The following TOPAZ1 variants were observed in gnomAD, a reference collection of about 807,000 sequenced individuals.
TOPAZ1 encodes testis and ovary specific TOPAZ 1.
In TOPAZ1, 66 loss-of-function variants were observed where a neutral mutation model predicts 172.2. That is an observed-to-expected ratio of 0.38 (90% CI 0.31 to 0.47). TOPAZ1 has a LOEUF of 0.47. Among genes scored for constraint, TOPAZ1 ranks in the 20% least tolerant of loss-of-function variants. The pLI is 0.99. For synonymous variants in TOPAZ1, 681 were observed against 683.9 expected, an observed-to-expected ratio of 1.00 and a Z score of 0.07; for missense variants, 1,822 against 1,972.4, an observed-to-expected ratio of 0.92 and a Z score of 1.44.
intron 9 of TOPAZ1, among the ~76,000 whole-genome samples, chr3:44,286,372 C>T (rs77359232): frequency 0.014 from 2,146 of 152,156 alleles, 49 homozygotes; most frequent in African/African-American, 0.049. Context: ...ACCGTTTTAT[C>T]AGTTGATCAG....
rs568668766 is a variant in TOPAZ1 at position 44,249,238 on chromosome 3, G to A, written c.2765+3967G>A. On this transcript the variant is annotated intron_variant, in intron 2 of 19. Transcript: ENST00000309765. ...ATTCAGGGGAATTACTATATAGTTG[G>A]GGGGAAGGGGGAGGAGTGGGGGACT... Among the ~76,000 whole-genome samples, 4 of 151,022 alleles carry A rather than the reference G, an allele frequency of 2.6e-5. No homozygotes were observed. The East Asian group carries it at 7.9e-4, about 30-fold the overall frequency.
intron 8 of TOPAZ1, among the ~76,000 whole-genome samples, chr3:44,280,532 G>A (rs575052770): frequency 6.6e-6 from 1 of 151,888 alleles, no homozygotes; most frequent in African/African-American, 2.4e-5. Flanking sequence ...ATTTTTAGTA[G>A]AGTTGAGATT....
At chr3:44,267,903 T>G (rs1229364270) in intron 6 of TOPAZ1, among the ~76,000 whole-genome samples, 1 of 152,218 alleles carries the variant, frequency 6.6e-6, no homozygotes, top group Non-Finnish European at 1.5e-5. Context: ...ATGATGGTCA[T>G]GTGTTTTATC....
At chr3:44,329,734 T>C (rs2125707743) in intron 19 of TOPAZ1, among the ~76,000 whole-genome samples, 1 of 152,304 alleles carries the variant, frequency 6.6e-6, no homozygotes, top group South Asian at 2.1e-4. Context: ...TAGATGGGCC[T>C]ACATGGATAC....
intron 4 of TOPAZ1, among the ~76,000 whole-genome samples, chr3:44,261,016 G>A (rs780873002): frequency 4.3e-4 from 65 of 152,016 alleles, no homozygotes; most frequent in Non-Finnish European, 6.8e-4. Flanking sequence ...TACACCAATA[G>A]CATACTGTCA....
At chr3:44,287,706 A>G (rs1559538020) in intron 10 of TOPAZ1, 41 bp from the exon 11 acceptor site, 2 of 1,155,998 alleles carry the variant, frequency 1.7e-6, no homozygotes, top group Middle Eastern at 2.4e-4. Flanking sequence ...GTGTACTAAA[A>G]GAAGATCTGA....
At chr3:44,267,332 C>T (rs1027016021) in intron 6 of TOPAZ1, among the ~76,000 whole-genome samples, 196 bp downstream of exon 6, 4 of 141,898 alleles carry the variant, frequency 2.8e-5, no homozygotes, top group Admixed American at 7.3e-5. Context: ...CTCACACTGT[C>T]GCCTAGGCTG....
chr3:44,308,287 C>A lies in TOPAZ1; in HGVS notation c.4141-1538C>A, dbSNP rs574029940. On this transcript the variant is annotated intron_variant, in intron 15 of 19. Transcript: ENST00000309765. ...TGCCATCCCTCCCCCCTCCCCCAAC[C>A]CCATGACAGGCCCCAGTGTGTGATG... 1.1e-3 allele frequency among the ~76,000 whole-genome samples: 154 copies of A among 146,448 alleles called. 1 individual carries two copies. Among genetic ancestry groups the A allele is most frequent in the African/African-American group, 3.3e-3 (132 of 39,964 alleles).
Position 44,321,021 on chromosome 3 carries a change from TGGAAG to T in TOPAZ1, c.4307-5_4307-1del. 2.0e-6 allele frequency: 3 copies of T among 1,531,376 alleles called. No homozygotes were observed. Among genetic ancestry groups the T allele is most frequent in the Admixed American group, 2.1e-5 (1 of 46,982 alleles). 94.9% of individuals were successfully genotyped at this position (1,531,376 alleles called of 1,614,324 possible). A position where few individuals can be genotyped will look rare whatever the true frequency, so the allele number is the denominator to read the frequency against. On this transcript the variant is annotated splice_acceptor_variant and splice_polypyrimidine_tract_variant and intron_variant, in intron 16 of 19. Coordinates refer to ENST00000309765, the MANE Select transcript of TOPAZ1 (RefSeq NM_001145030.2). LOFTEE classifies it high-confidence loss of function. ...TAAACTATTCATATTTTTTTCTTTT[TGGAAG>T]AGTCAGAGTGGATAATCAATACGCC... is the stretch of plus-strand genomic sequence containing the variant.
rs899271097 is a variant in TOPAZ1, at chr3:44,262,447, A to G, written c.2984A>G (p.Lys995Arg). 22 of 1,487,092 alleles carry G rather than the reference A, an allele frequency of 1.5e-5. No homozygotes were observed. Among genetic ancestry groups the G allele is most frequent in the Non-Finnish European group, 1.8e-5 (20 of 1,092,886 alleles). The allele number at this position is 1,487,092 out of a possible 1,614,324, so 92.1% of individuals were successfully genotyped here. A position where few individuals can be genotyped will look rare whatever the true frequency, so the allele number is the denominator to read the frequency against. ...KHRFTDKVIT[K>R]EEKENIYEVC... ...AGATTTACAGACAAAGTGATTACCA[A>G]AGAAGAAAAAGAAAATATTTATGAA... Residue 995 changes from lysine (K) to arginine (R), a missense_variant, in exon 5 of 20, where the codon AAA becomes AGA. Physicochemically the swap from Lys to Arg is conservative, Grantham distance 26. Coordinates refer to ENST00000309765, the MANE Select transcript of TOPAZ1 (RefSeq NM_001145030.2).
In TOPAZ1 at chr3:44,243,478, C is replaced by G. The variant is rs1274309068; in HGVS notation, c.972C>G (p.Ser324Arg). 4 of 1,551,492 alleles carry G rather than the reference C, an allele frequency of 2.6e-6. No homozygotes were observed. The highest frequency in any genetic ancestry group is 3.5e-6 in the Non-Finnish European group (4 of 1,146,956). The change falls in exon 2 of 20, where the codon AGC (serine) becomes AGG (arginine). Residue 324 changes from serine to arginine, a missense_variant. Ser to Arg is a moderately radical substitution (Grantham distance 110). Around this residue, in one of 2 missense-constraint regions of TOPAZ1, gnomAD observed 1,489 missense variants for 1,490.8 expected, o/e 1.00. Coordinates refer to ENST00000309765, the MANE Select transcript of TOPAZ1 (RefSeq NM_001145030.2). Reference protein sequence around the residue: ...HEKNKYSIEESSVGRKPRKRM... With the variant: ...HEKNKYSIEERSVGRKPRKRM... The stretch of plus-strand genomic sequence containing the variant: ...AAAATAAATATTCAATAGAGGAGAG[C>G]AGTGTTGGGCGAAAACCCAGGAAAA...
chr3:44,310,376 G>A (rs1417662201), intron 16 of TOPAZ1, among the ~76,000 whole-genome samples: 1 of 152,092 alleles, frequency 6.6e-6, no homozygotes, highest in Non-Finnish European at 1.5e-5. Flanking sequence ...GTGGCCGCTT[G>A]TAATCCCAAC....
At chr3:44,303,281 TTACATAA>T (rs1283776850) in intron 12 of TOPAZ1, among the ~76,000 whole-genome samples, 1 of 152,208 alleles carries the variant, frequency 6.6e-6, no homozygotes, top group Non-Finnish European at 1.5e-5. Context: ...TAGTTAGGTA[TTACATAA>T]TACTAGTTCA....
At chr3:44,247,144 T>A (rs1323949604) in intron 2 of TOPAZ1, among the ~76,000 whole-genome samples, 1 of 152,234 alleles carries the variant, frequency 6.6e-6, no homozygotes, top group Non-Finnish European at 1.5e-5. Flanking sequence ...AATTGCTATT[T>A]GTATGCATCA....
intron 9 of TOPAZ1, among the ~76,000 whole-genome samples, chr3:44,286,102 C>G (rs191529302): frequency 6.6e-5 from 10 of 152,032 alleles, no homozygotes; most frequent in Non-Finnish European, 1.2e-4. Flanking sequence ...GTAATCCCAG[C>G]TACTCTGGAG....
chr3:44,309,105 T>C (rs1002201914), intron 15 of TOPAZ1, among the ~76,000 whole-genome samples: 11 of 152,326 alleles, frequency 7.2e-5, no homozygotes, highest in Middle Eastern at 3.4e-3. Flanking sequence ...CCTAAGCTAC[T>C]TACTATCTGG....
In TOPAZ1 at chr3:44,287,821, A is replaced by C; in HGVS notation, c.3663A>C (p.Leu1221Phe). Residue 1221 changes from leucine to phenylalanine, a missense_variant, in exon 11 of 20, where the codon TTA becomes TTC. Leu to Phe is a conservative substitution (Grantham distance 22). Transcript: ENST00000309765. ...AATTAAGGAATGCTGTACCTGCTTT[A>C]ATTGATATCTTTTGCAAGGTATGGT... ...TMKLRNAVPA[L>F]IDIFCKLVEA... 6.9e-7 allele frequency: 1 copy of C among 1,449,350 alleles called. No homozygotes were observed. Among genetic ancestry groups the C allele is most frequent in the Non-Finnish European group, 9.4e-7 (1 of 1,067,474 alleles). The allele number at this position is 1,449,350 out of a possible 1,614,324, so 89.8% of individuals were successfully genotyped here.
At chr3:44,264,295 G>C (rs769046145) in intron 5 of TOPAZ1, among the ~76,000 whole-genome samples, 6 of 152,074 alleles carry the variant, frequency 3.9e-5, no homozygotes, top group Non-Finnish European at 8.8e-5. Context: ...TTGCAGGTTT[G>C]AGTTCAGACT....
rs182477807 is a variant in TOPAZ1, at chr3:44,273,296, C to T, written c.3372+2486C>T. ...CAAAGTTAGCAGGGACACACTGAAG[C>T]CTTTCTGTGATAAGGCTTAAAAGGT... On this transcript the variant is annotated intron_variant, in intron 8 of 19. Transcript: ENST00000309765. Among the ~76,000 whole-genome samples, 120 of 152,214 alleles carry T rather than the reference C, an allele frequency of 7.9e-4. 1 individual carries two copies. The highest frequency in any genetic ancestry group is 3.4e-3 in the Middle Eastern group (1 of 294).
Sources: gnomAD v4.1 joint callset for allele counts (sites outside exome capture counted in the v4.1 genomes callset) on GRCh38, gnomAD v4.1.1 for gene constraint, gnomAD v4.1.1 regional missense constraint, MANE v1.5 for transcripts, NCBI Gene and HGNC (gene_info 2026-07-23, HGNC 2026-07-21) for gene names.